The following CALD1 variants were observed in gnomAD, a reference collection of about 807,000 sequenced individuals.
The protein encoded by CALD1 is caldesmon 1.
CALD1 carries 33 observed loss-of-function variants against 99.9 expected under a neutral mutation model. That is an observed-to-expected ratio of 0.33 (90% confidence interval 0.25 to 0.44). CALD1 has a LOEUF of 0.44. Among genes scored for constraint, CALD1 ranks in the 20% least tolerant of loss-of-function variants. The pLI is 1.00. For missense variants in CALD1, 861 were observed against 962.1 expected (o/e 0.89, Z 1.39); for synonymous variants, 310 against 325.0 (o/e 0.95, Z 0.50).
At chr7:134,869,738 T>C (rs1252880789) in intron 3 of CALD1, among the ~76,000 whole-genome samples, 1 of 152,042 alleles carries the variant, frequency 6.6e-6, no homozygotes, top group Non-Finnish European at 1.5e-5. Flanking sequence ...CACTCTTTGT[T>C]CAAAAAGGGA....
In CALD1 at chr7:134,960,113, T is replaced by C; in HGVS notation, c.2199+2T>C. 1 of 1,613,908 alleles carries C rather than the reference T, an allele frequency of 6.2e-7. No homozygotes were observed. The highest frequency in any genetic ancestry group is 8.5e-7 in the Non-Finnish European group (1 of 1,179,960). ...ACTGCAGCAGGCACACCAAATAAGG[T>C]GAGCATCTGATTTTTGTCTCTTAAG... On this transcript the variant is annotated splice_donor_variant, in intron 12 of 14. Coordinates refer to ENST00000361675, the MANE Select transcript of CALD1 (RefSeq NM_033138.4). LOFTEE classifies it high-confidence loss of function.
intron 3 of CALD1, among the ~76,000 whole-genome samples, chr7:134,915,171 C>T (rs1367047966): frequency 1.3e-5 from 2 of 152,216 alleles, no homozygotes; most frequent in East Asian, 1.9e-4. Flanking sequence ...AGAACCTAGG[C>T]CCCCATGCCT....
At position 134,964,132 on chromosome 7, in the gene CALD1, G is replaced by A. The variant is rs1475371109; in HGVS notation, c.2296-1174G>A. Among the ~76,000 whole-genome samples, 4 of 152,182 alleles carry A rather than the reference G, an allele frequency of 2.6e-5. No homozygotes were observed. The South Asian group carries it at 6.2e-4, about 24-fold the overall frequency. On this transcript the variant is annotated intron_variant, in intron 13 of 14. Transcript: ENST00000361675. ...GAATCGCTTGAACCCGGGAGTCGGA[G>A]GTTGCAGTGAGCCGAGATTGCGCCA... is the stretch of plus-strand genomic sequence containing the variant.
intron 3 of CALD1, among the ~76,000 whole-genome samples, chr7:134,880,525 G>A (rs762852819): frequency 1.3e-5 from 2 of 152,166 alleles, no homozygotes; most frequent in Non-Finnish European, 2.9e-5. Flanking sequence ...TCTTTCCCAA[G>A]GCACAATTGG....
chr7:134,968,402 C>T lies in CALD1; in HGVS notation c.*57C>T. ...GCAGGACGAGCTCAGTTGTAGAGGG[C>T]TAATTCGCTCTGTTTTGTATTTATG... On this transcript the variant is annotated 3_prime_UTR_variant, in exon 15 of 15. Coordinates refer to ENST00000361675, the MANE Select transcript of CALD1 (RefSeq NM_033138.4). The T allele has an allele frequency of 6.6e-7, 1 of 1,508,200 alleles. No homozygotes were observed. Among genetic ancestry groups the T allele is most frequent in the Non-Finnish European group, 9.2e-7 (1 of 1,083,704 alleles). The allele number at this position is 1,508,200 out of a possible 1,614,324, so 93.4% of individuals were successfully genotyped here. A position where few individuals can be genotyped will look rare whatever the true frequency, so the allele number is the denominator to read the frequency against.
intron 3 of CALD1, among the ~76,000 whole-genome samples, chr7:134,904,307 A>C (rs1042221306): frequency 6.6e-6 from 1 of 151,908 alleles, no homozygotes; most frequent in Admixed American, 6.6e-5. Context: ...CTGGCCATGC[A>C]TGGTGGCTCA....
intron 3 of CALD1, among the ~76,000 whole-genome samples, chr7:134,872,966 T>C (rs13229870): frequency 6.6e-6 from 1 of 151,930 alleles, no homozygotes; most frequent in African/African-American, 2.4e-5. Flanking sequence ...GCAGATCACT[T>C]GAGGCCAGGA....
At chr7:134,740,675 G>A (rs1796585300), upstream of CALD1, among the ~76,000 whole-genome samples, 1 of 152,186 alleles carries the variant, frequency 6.6e-6, no homozygotes, top group Admixed American at 6.5e-5. Flanking sequence ...TGACAAACTA[G>A]AGACTACGCA....
Position 134,839,848 on chromosome 7 carries a change from C to T in CALD1, c.-129-4036C>T, listed in dbSNP as rs566545768. On this transcript the variant is annotated intron_variant, in intron 1 of 14. Coordinates refer to ENST00000361675, the MANE Select transcript of CALD1 (RefSeq NM_033138.4). ...GAGACTACAGGCATGCACCACCACACCTGGCTGATTTATTTTTTAGTTGTT... is the reference window on the plus strand; with the variant it reads ...GAGACTACAGGCATGCACCACCACATCTGGCTGATTTATTTTTTAGTTGTT... Among the ~76,000 whole-genome samples the T allele has an allele frequency of 1.1e-4, 16 of 152,272 alleles. 1 individual carries two copies. The East Asian group carries it at 3.1e-3, about 29-fold the overall frequency.
At chr7:134,922,235 TTCTC>T (rs1804670399) in intron 3 of CALD1, among the ~76,000 whole-genome samples, 1 of 152,208 alleles carries the variant, frequency 6.6e-6, no homozygotes, top group Non-Finnish European at 1.5e-5. Flanking sequence ...TTCTTTTTCA[TTCTC>T]TCTGAGTCTT....
chr7:134,775,225 G>A (rs1480508989), upstream of CALD1, among the ~76,000 whole-genome samples: 1 of 151,942 alleles, frequency 6.6e-6, no homozygotes, highest in Non-Finnish European at 1.5e-5. Flanking sequence ...ATTCATATAT[G>A]CTGGGGTCTA....
intron 1 of CALD1, chr7:134,822,187 G>A (rs1798811327): frequency 6.6e-6 from 1 of 152,172 alleles, no homozygotes; most frequent in Non-Finnish European, 1.5e-5. Context: ...GCACGAGACT[G>A]CTTGCTAAGT....
intron 1 of CALD1, among the ~76,000 whole-genome samples, chr7:134,772,504 C>T (rs868620827): frequency 2.0e-5 from 3 of 152,150 alleles, no homozygotes; most frequent in African/African-American, 4.8e-5. Context: ...CTGAAGAAAA[C>T]GAAGGTTTGG....
chr7:134,804,107 T>G (rs1371702072), intron 1 of CALD1, among the ~76,000 whole-genome samples: 1 of 152,234 alleles, frequency 6.6e-6, no homozygotes, highest in Non-Finnish European at 1.5e-5. Flanking sequence ...TAGACATTGC[T>G]TGTTACCTTT....
intron 2 of CALD1, among the ~76,000 whole-genome samples, chr7:134,849,946 C>T (rs912462790): frequency 2.6e-5 from 4 of 152,154 alleles, no homozygotes; most frequent in Non-Finnish European, 5.9e-5. Context: ...GAAACTGACA[C>T]AGATATACTG....
intron 1 of CALD1, among the ~76,000 whole-genome samples, chr7:134,793,558 C>T (rs1420647733): frequency 1.3e-5 from 2 of 152,092 alleles, no homozygotes; most frequent in Admixed American, 1.3e-4. Flanking sequence ...CTTCTTGGTG[C>T]CCATTTCCCA....
chr7:134,950,553 A>G, intron 9 of CALD1, 39 bp downstream of exon 9: 2 of 1,557,968 alleles, frequency 1.3e-6, no homozygotes, highest in Non-Finnish European at 8.8e-7. Flanking sequence ...AGAATATGAT[A>G]GAGACTGGAT....
intron 3 of CALD1, among the ~76,000 whole-genome samples, chr7:134,915,660 C>T (rs897936551): frequency 1.3e-5 from 2 of 152,212 alleles, no homozygotes; most frequent in African/African-American, 4.8e-5. Context: ...GAGTCTTAAG[C>T]TGTTGGTGAT....
chr7:134,781,585 A>G (rs1407005047), intron 1 of CALD1, among the ~76,000 whole-genome samples: 1 of 140,854 alleles, frequency 7.1e-6, no homozygotes, highest in Non-Finnish European at 1.5e-5. Flanking sequence ...TTCCCCACAT[A>G]GTGAGGCCAA....
Sources: allele counts gnomAD v4.1 joint callset (sites outside exome capture counted in the v4.1 genomes callset), GRCh38; gene constraint gnomAD v4.1.1; transcripts MANE v1.5; gene names NCBI Gene and HGNC (gene_info 2026-07-23, HGNC 2026-07-21).